Variants in ROBO1 observed in about 807,000 individuals in gnomAD.
ROBO1 encodes roundabout guidance receptor 1.
ROBO1 carries 149 observed loss-of-function variants against 195.9 expected under a neutral mutation model. That is an observed-to-expected ratio of 0.76 (90% CI 0.67 to 0.87). ROBO1 has a LOEUF of 0.87. ROBO1 is among the 40% of genes least tolerant of loss of function. The pLI, the probability that ROBO1 is intolerant of heterozygous loss-of-function variation, is 0.00. For missense variants in ROBO1, 1,933 were observed against 2,068.3 expected (o/e 0.93, Z 1.27); for synonymous variants, 816 against 733.2 (o/e 1.11, Z -1.82).
At chr3:79,719,659 C>T (rs1702621240) in intron 1 of ROBO1, among the ~76,000 whole-genome samples, 1 of 152,060 alleles carries the variant, frequency 6.6e-6, no homozygotes, top group African/African-American at 2.4e-5. Flanking sequence ...GCTTTCATAT[C>T]ATATTACAAA....
intron 4 of ROBO1, among the ~76,000 whole-genome samples, chr3:78,891,411 T>C (rs949893674): frequency 6.6e-6 from 1 of 152,144 alleles, no homozygotes; most frequent in Non-Finnish European, 1.5e-5. Flanking sequence ...CGGTGAGAGA[T>C]ATCTCATATC....
intron 4 of ROBO1, among the ~76,000 whole-genome samples, chr3:78,904,062 A>G (rs1021617915): frequency 9.2e-5 from 14 of 152,024 alleles, no homozygotes; most frequent in African/African-American, 2.2e-4. Flanking sequence ...AATACTCAAT[A>G]AACATTAGAT....
At chr3:78,986,581 C>T (rs1190520950) in intron 3 of ROBO1, among the ~76,000 whole-genome samples, 4 of 152,050 alleles carry the variant, frequency 2.6e-5, no homozygotes, top group East Asian at 3.9e-4. Flanking sequence ...CCTTATTGAA[C>T]GAACAGAAAA....
chr3:79,400,088 G>A (rs2037308141), intron 2 of ROBO1, among the ~76,000 whole-genome samples: 1 of 152,072 alleles, frequency 6.6e-6, no homozygotes, highest in East Asian at 1.9e-4. Flanking sequence ...GTCACCAAAT[G>A]TAAATTTACT....
chr3:79,678,695 T>C (rs1303134010), intron 1 of ROBO1, among the ~76,000 whole-genome samples: 1 of 152,084 alleles, frequency 6.6e-6, no homozygotes, highest in Non-Finnish European at 1.5e-5. Context: ...TTTGATAATG[T>C]TACAAAAAGG....
chr3:78,644,279 TG>T (rs1706145390), intron 21 of ROBO1, among the ~76,000 whole-genome samples: 3 of 152,242 alleles, frequency 2.0e-5, no homozygotes, highest in African/African-American at 7.2e-5. Context: ...TTTAAAAAAA[TG>T]TTTATTATTC....
intron 1 of ROBO1, among the ~76,000 whole-genome samples, chr3:79,712,385 A>T (rs1375082288): frequency 6.6e-6 from 1 of 152,154 alleles, no homozygotes; most frequent in Non-Finnish European, 1.5e-5. Context: ...TGAATAGAAG[A>T]TGAAACAAGC....
chr3:79,460,032 A>G (rs1343120832), intron 2 of ROBO1, among the ~76,000 whole-genome samples: 2 of 152,160 alleles, frequency 1.3e-5, no homozygotes, highest in African/African-American at 4.8e-5. Flanking sequence ...GAAAAAATAA[A>G]ACAAAGCATC....
At chr3:79,149,709 G>C (rs1235702465) in intron 2 of ROBO1, among the ~76,000 whole-genome samples, 1 of 151,696 alleles carries the variant, frequency 6.6e-6, no homozygotes, top group African/African-American at 2.4e-5. Context: ...TGTGCCTCTG[G>C]ACTGTGAACT....
intron 18 of ROBO1, among the ~76,000 whole-genome samples, chr3:78,653,790 T>C (rs894702703): frequency 1.3e-5 from 2 of 152,180 alleles, no homozygotes; most frequent in East Asian, 1.9e-4. Flanking sequence ...CGTCTGCCAG[T>C]ATAAACTAGT....
intron 1 of ROBO1, among the ~76,000 whole-genome samples, chr3:79,642,734 A>G (rs1328267267): frequency 6.6e-6 from 1 of 152,210 alleles, no homozygotes; most frequent in South Asian, 2.1e-4. Context: ...ATTCACTGCC[A>G]CTATACCTGC....
At chr3:79,573,924 G>C (rs918000150) in intron 2 of ROBO1, among the ~76,000 whole-genome samples, 1 of 152,068 alleles carries the variant, frequency 6.6e-6, no homozygotes, top group African/African-American at 2.4e-5. Context: ...ATTTGGCTTT[G>C]TTTGGTTAAC....
chr3:79,388,564 A>G (rs2036837737), intron 2 of ROBO1, among the ~76,000 whole-genome samples: 2 of 152,166 alleles, frequency 1.3e-5, no homozygotes, highest in Non-Finnish European at 2.9e-5. Context: ...TTGCAGAAAA[A>G]AAAAATCACT....
At chr3:79,632,104 T>C (rs1945362301) in intron 1 of ROBO1, among the ~76,000 whole-genome samples, 1 of 152,148 alleles carries the variant, frequency 6.6e-6, no homozygotes, top group Non-Finnish European at 1.5e-5. Context: ...AAAACTACCA[T>C]TCGACCCAGA....
chr3:79,714,573 A>C (rs1702404127), intron 1 of ROBO1, among the ~76,000 whole-genome samples: 2 of 151,762 alleles, frequency 1.3e-5, no homozygotes, highest in South Asian at 4.2e-4. Context: ...GGCACTATTC[A>C]CAATAGCAAA....
intron 8 of ROBO1, among the ~76,000 whole-genome samples, chr3:78,696,737 C>CAT (rs139884498): frequency 0.045 from 6,509 of 143,668 alleles, 407 homozygotes; most frequent in African/African-American, 0.15. Flanking sequence ...TGTATATATA[C>CAT]ATATATATAT....
intron 2 of ROBO1, among the ~76,000 whole-genome samples, chr3:79,381,390 A>G (rs1467254975): frequency 6.8e-6 from 1 of 147,920 alleles, no homozygotes; most frequent in Admixed American, 6.8e-5. Context: ...AAAGAAAAGA[A>G]AAGAAAAGAA....
intron 3 of ROBO1, among the ~76,000 whole-genome samples, chr3:79,121,528 C>T (rs2080116067): frequency 6.6e-6 from 1 of 151,852 alleles, no homozygotes; most frequent in Non-Finnish European, 1.5e-5. Flanking sequence ...GTGGTAGAAG[C>T]CCTAAATACC....
intron 4 of ROBO1, among the ~76,000 whole-genome samples, chr3:78,783,203 A>G (rs1456697218): frequency 1.3e-5 from 2 of 152,116 alleles, no homozygotes; most frequent in African/African-American, 4.8e-5. Context: ...CATACATTGT[A>G]CCTATTCAGT....
Sources: allele counts gnomAD v4.1 joint callset (sites outside exome capture counted in the v4.1 genomes callset), GRCh38; gene constraint gnomAD v4.1.1; transcripts MANE v1.5; gene names NCBI Gene and HGNC (gene_info 2026-07-23, HGNC 2026-07-21).